The following DIAPH2 variants were observed in gnomAD, a reference collection of about 807,000 sequenced individuals.
The protein encoded by DIAPH2 is protein diaphanous homolog 2.
DIAPH2 carries 35 observed loss-of-function variants against 92.7 expected under a neutral mutation model. The observed-to-expected ratio is 0.38, with a 90% CI of 0.29 to 0.50. The LOEUF is 0.50. Among genes scored for constraint, DIAPH2 ranks in the 20% least tolerant of loss-of-function variants. The pLI, the probability that DIAPH2 is intolerant of heterozygous loss-of-function variation, is 0.94. For missense variants in DIAPH2, 701 were observed against 819.5 expected (o/e 0.86, Z 1.77); for synonymous variants, 301 against 280.4 (o/e 1.07, Z -0.73).
intron 23 of DIAPH2, among the ~76,000 whole-genome samples, chrX:97,325,907 G>C (rs1396247620): frequency 4.5e-5 from 5 of 112,162 alleles, no homozygotes; most frequent in Non-Finnish European, 7.5e-5. Context: ...TAGGTGTGGT[G>C]CCTAGTTTTC....
At chrX:96,952,525 G>C (rs1386451270) in intron 15 of DIAPH2, among the ~76,000 whole-genome samples, 1 of 110,885 alleles carries the variant, frequency 9.0e-6, no homozygotes, top group Non-Finnish European at 1.9e-5. Context: ...CACGAGGTCA[G>C]GAGTTCTAGA....
chrX:96,868,974 G>T (rs974177033), intron 4 of DIAPH2, among the ~76,000 whole-genome samples: 2 of 111,961 alleles, frequency 1.8e-5, no homozygotes, highest in African/African-American at 3.2e-5. Context: ...TTTTGCTTTA[G>T]TATGCATATA....
chrX:97,488,219 C>T (rs1180178104), intron 26 of DIAPH2, among the ~76,000 whole-genome samples: 1 of 111,711 alleles, frequency 9.0e-6, no homozygotes, highest in African/African-American at 3.3e-5. Context: ...TCTTGAACTC[C>T]CAACCTCAGG....
chrX:96,852,819 C>A (rs1384557074), intron 4 of DIAPH2, among the ~76,000 whole-genome samples: 2 of 111,809 alleles, frequency 1.8e-5, no homozygotes, highest in Non-Finnish European at 3.8e-5. Flanking sequence ...GACCATTTGG[C>A]AAATAGTCTT....
chrX:96,982,783 TGATA>T (rs2066006001), intron 17 of DIAPH2, among the ~76,000 whole-genome samples: 1 of 112,507 alleles, frequency 8.9e-6, no homozygotes, highest in East Asian at 2.8e-4. Context: ...TATAGCTGCA[TGATA>T]GATCAGCATA....
chrX:97,213,751 G>A (rs996522082), intron 22 of DIAPH2, among the ~76,000 whole-genome samples: 1 of 112,243 alleles, frequency 8.9e-6, no homozygotes, highest in Non-Finnish European at 1.9e-5. Flanking sequence ...TAGATAAACA[G>A]TTATTAAGCA....
chrX:96,757,296 T>C (rs1011414929), intron 3 of DIAPH2, among the ~76,000 whole-genome samples: 5 of 111,751 alleles, frequency 4.5e-5, no homozygotes, highest in African/African-American at 1.3e-4. Flanking sequence ...ATTATTGAGT[T>C]GTAAAAGTTC....
At position 97,147,169 on chromosome X, in the gene DIAPH2, A is replaced by T. The variant is rs372236691; in HGVS notation, c.2719+5375A>T. Among the ~76,000 whole-genome samples, 92 of 111,270 alleles carry T rather than the reference A, an allele frequency of 8.3e-4. No homozygotes were observed. The South Asian group carries it at 0.033, about 40-fold the overall frequency. Reference sequence around the variant, plus strand: ...GTATAATGTAACTTTATTACCAGTAAAGTTAATAAAATAACATTGCTCTTG... The same window carrying T: ...GTATAATGTAACTTTATTACCAGTATAGTTAATAAAATAACATTGCTCTTG... On this transcript the variant is annotated intron_variant, in intron 22 of 26. Coordinates refer to ENST00000324765, the MANE Select transcript of DIAPH2 (RefSeq NM_006729.5).
chrX:97,141,767 C>T lies in DIAPH2; in HGVS notation c.2692C>T (p.Leu898=), dbSNP rs769943787. The part of the protein sequence containing the change: ...YRDILKFPEE[L]EHVESASKVS... Reference sequence around the variant, plus strand: ...AGATATCCTAAAATTTCCTGAAGAACTGGAACACGTAGAAAGTGCAAGCAA... The same window carrying T: ...AGATATCCTAAAATTTCCTGAAGAATTGGAACACGTAGAAAGTGCAAGCAA... The change falls in exon 22 of 27, where the codon CTG becomes TTG. Residue 898 remains leucine, a synonymous_variant. Transcript: ENST00000324765. 5.0e-6 allele frequency: 6 copies of T among 1,204,914 alleles called. No individual in the cohort carries two copies. Among genetic ancestry groups the T allele is most frequent in the Middle Eastern group, 2.3e-4 (1 of 4,315 alleles).
At chrX:97,171,711 C>CGG (rs1287869218) in intron 22 of DIAPH2, among the ~76,000 whole-genome samples, 1 of 111,757 alleles carries the variant, frequency 8.9e-6, no homozygotes. Flanking sequence ...GAGGCCGCGA[C>CGG]GGGCGGATCA....
rs751899368 is a variant in DIAPH2, at chrX:97,222,291, G to A, written c.2720-25424G>A. On this transcript the variant is annotated intron_variant, in intron 22 of 26. Transcript: ENST00000324765. ...ATGATCTCAGCTCGCTGCAACCTCC[G>A]CCTCCCAGGTTCAAGCAATTCTCCT... 1.3e-4 allele frequency among the ~76,000 whole-genome samples: 15 copies of A among 111,160 alleles called. No homozygotes were observed. The South Asian group carries it at 5.4e-3, about 40-fold the overall frequency.
chrX:97,247,973 C>A, intron 23 of DIAPH2, 134 bp downstream of exon 23: 1 of 551,594 alleles, frequency 1.8e-6, no homozygotes, highest in Non-Finnish European at 2.7e-6. Context: ...TGCTGTTTTT[C>A]TATTAGTAGC....
chrX:96,736,806 C>G (rs1382676556), intron 2 of DIAPH2, among the ~76,000 whole-genome samples: 2 of 111,775 alleles, frequency 1.8e-5, no homozygotes, highest in Non-Finnish European at 3.8e-5. Context: ...TAATGCTACT[C>G]AGTAAAAAGG....
intron 22 of DIAPH2, among the ~76,000 whole-genome samples, chrX:97,191,731 G>A (rs988387741): frequency 9.0e-6 from 1 of 111,526 alleles, no homozygotes; most frequent in Non-Finnish European, 1.9e-5. Context: ...ACTTTAGTTC[G>A]CTTAATTTTT....
chrX:97,181,396 G>GTGT (rs1188562337), intron 22 of DIAPH2, among the ~76,000 whole-genome samples: 25 of 109,614 alleles, frequency 2.3e-4, no homozygotes, highest in Admixed American at 1.2e-3. Context: ...ATGAGTATAT[G>GTGT]TGTTGTTGTT....
At chrX:97,073,535 T>C (rs751597726) in intron 18 of DIAPH2, among the ~76,000 whole-genome samples, 1 of 112,262 alleles carries the variant, frequency 8.9e-6, no homozygotes, top group East Asian at 2.8e-4. Context: ...CAGTCAGCCA[T>C]TAAGTATACC....
At chrX:97,442,146 A>C (rs1158452852) in intron 26 of DIAPH2, 1 of 113,206 alleles carries the variant, frequency 8.8e-6, no homozygotes, top group Non-Finnish European at 1.9e-5. Flanking sequence ...GATAAGGTCA[A>C]TTCTAGTTGA....
At chrX:97,423,826 G>A (rs1324225296) in intron 25 of DIAPH2, among the ~76,000 whole-genome samples, 2 of 111,416 alleles carry the variant, frequency 1.8e-5, no homozygotes. Context: ...CACATTTTTT[G>A]CACGTGTTCA....
At chrX:96,879,858 T>C (rs1440538905) in intron 4 of DIAPH2, among the ~76,000 whole-genome samples, 1 of 110,505 alleles carries the variant, frequency 9.0e-6, no homozygotes, top group Non-Finnish European at 1.9e-5. Flanking sequence ...GCCTCACGAG[T>C]TGCTGGGATT....
Sources: allele counts gnomAD v4.1 joint callset (sites outside exome capture counted in the v4.1 genomes callset), GRCh38; gene constraint gnomAD v4.1.1; transcripts MANE v1.5; gene names NCBI Gene and HGNC (gene_info 2026-07-23, HGNC 2026-07-21).